The following DPY19L1 variants were observed in gnomAD, a reference collection of about 807,000 sequenced individuals.
The protein encoded by DPY19L1 is protein C-mannosyl-transferase DPY19L1.
Under a neutral mutation model 96.9 loss-of-function variants are expected in DPY19L1, and 35 were observed. The ratio of observed to expected loss-of-function variants is 0.36; its 90% CI spans 0.28 to 0.48. The LOEUF is 0.48. Ranked by LOEUF, DPY19L1 falls within the 20% of genes least tolerant of loss-of-function variation. DPY19L1 has a pLI of 0.99. For missense variants in DPY19L1, 521 were observed against 777.9 expected (o/e 0.67, Z 3.93); for synonymous variants, 205 against 252.6 (o/e 0.81, Z 1.79).
At chr7:34,943,453 T>C (rs1413361359) in intron 16 of DPY19L1, among the ~76,000 whole-genome samples, 1 of 152,208 alleles carries the variant, frequency 6.6e-6, no homozygotes. Flanking sequence ...CAGGACTATA[T>C]TCTGACTGAC....
At chr7:35,015,303 T>C (rs2128679223) in intron 3 of DPY19L1, among the ~76,000 whole-genome samples, 1 of 152,314 alleles carries the variant, frequency 6.6e-6, no homozygotes, top group East Asian at 1.9e-4. Context: ...TTACTGTATA[T>C]CCCTAGTGGA....
At chr7:34,957,920 T>G in intron 11 of DPY19L1, 64 bp downstream of exon 11, 1 of 1,080,504 alleles carries the variant, frequency 9.3e-7, no homozygotes, top group Non-Finnish European at 1.4e-6. Context: ...CCTAAGCCAG[T>G]GAAGAAAAAA....
intron 16 of DPY19L1, among the ~76,000 whole-genome samples, chr7:34,945,121 C>T (rs550096575): frequency 6.6e-6 from 1 of 152,168 alleles, no homozygotes; most frequent in South Asian, 2.1e-4. Context: ...CATTTAAGTA[C>T]AAAGGGTGAC....
chr7:34,964,097 T>C (rs1032209391), intron 10 of DPY19L1, among the ~76,000 whole-genome samples: 3 of 152,268 alleles, frequency 2.0e-5, no homozygotes, highest in African/African-American at 7.2e-5. Context: ...TTAAGTTACA[T>C]GTATTTTACC....
At chr7:35,013,528 T>C in intron 4 of DPY19L1, 40 bp downstream of exon 4, 2 of 1,586,178 alleles carry the variant, frequency 1.3e-6, no homozygotes, top group Non-Finnish European at 1.7e-6. Flanking sequence ...AAAAAAGTTT[T>C]TACAAAAGTG....
intron 8 of DPY19L1, among the ~76,000 whole-genome samples, chr7:34,972,783 A>G (rs1223061765): frequency 2.0e-5 from 3 of 152,214 alleles, no homozygotes; most frequent in Non-Finnish European, 4.4e-5. Flanking sequence ...CTGGAGCTAC[A>G]CAGACTTTAA....
rs1783746007 is a variant in DPY19L1, at chr7:34,931,208, TAC to T, written c.*363_*364del. The T allele has an allele frequency of 6.3e-6, 1 of 159,132 alleles. No homozygotes were observed. Among genetic ancestry groups the T allele is most frequent in the Non-Finnish European group, 1.4e-5 (1 of 72,944 alleles). 9.9% of individuals were successfully genotyped at this position (159,132 alleles called of 1,614,324 possible). ...AGAAGCAAGGGGCATTAATAGTTCT[TAC>T]ACTATAAAATCAGCCCCTACATTGT... is the stretch of plus-strand genomic sequence containing the variant. On this transcript the variant is annotated 3_prime_UTR_variant, in exon 22 of 22. Transcript: ENST00000638088.
chr7:35,021,619 C>A (rs1359954910), intron 1 of DPY19L1, among the ~76,000 whole-genome samples: 1 of 152,176 alleles, frequency 6.6e-6, no homozygotes, highest in African/African-American at 2.4e-5. Context: ...ACAAATATTT[C>A]CACAGTATAC....
intron 1 of DPY19L1, among the ~76,000 whole-genome samples, chr7:35,026,771 T>G (rs778829914): frequency 6.6e-6 from 1 of 152,108 alleles, no homozygotes; most frequent in African/African-American, 2.4e-5. Context: ...AAATAATGAT[T>G]AAGAAAGGGA....
rs141173407 is a variant in DPY19L1, at chr7:35,031,458, G to A, written c.298+5639C>T. Among the ~76,000 whole-genome samples the A allele has an allele frequency of 2.6e-3, 396 of 152,042 alleles. 4 individuals are homozygous for A. The highest frequency in any genetic ancestry group is 9.3e-3 in the African/African-American group (384 of 41,474). ...GGGAGGTCCTTGAACCAATCCCTCG[G>A]GGTTACTAAGTAACAACTTGCCTCA... On this transcript the variant is annotated intron_variant, in intron 1 of 21. Transcript: ENST00000638088.
intron 15 of DPY19L1, 146 bp from the exon 16 acceptor site, chr7:34,945,862 T>A: frequency 1.5e-6 from 1 of 648,884 alleles, no homozygotes; most frequent in Non-Finnish European, 2.7e-6. Flanking sequence ...AACAACATAA[T>A]CTTATATTTG....
chr7:35,002,125 C>CAAAAAAAAAAAAAAA (rs548044939), intron 6 of DPY19L1, among the ~76,000 whole-genome samples: 2 of 47,086 alleles, frequency 4.2e-5, no homozygotes, highest in South Asian at 6.5e-4. Context: ...GACTCCAGCT[C>CAAAAAAAAAAAAAAA]AAAAAAAAAA....
intron 6 of DPY19L1, among the ~76,000 whole-genome samples, chr7:34,994,294 TG>T (rs1316104178): frequency 6.6e-6 from 1 of 152,126 alleles, no homozygotes; most frequent in African/African-American, 2.4e-5. Flanking sequence ...CTTATGTCAC[TG>T]GAACATCTAG....
intron 16 of DPY19L1, among the ~76,000 whole-genome samples, chr7:34,943,941 T>C (rs1367879650): frequency 1.3e-5 from 2 of 152,192 alleles, no homozygotes; most frequent in African/African-American, 4.8e-5. Context: ...TATACCTGTA[T>C]ATGTTACAGT....
intron 7 of DPY19L1, among the ~76,000 whole-genome samples, chr7:34,975,747 A>G (rs572945198): frequency 1.3e-5 from 2 of 152,178 alleles, no homozygotes; most frequent in Non-Finnish European, 2.9e-5. Flanking sequence ...CTTGAAGCCA[A>G]TATTCATTGA....
At chr7:35,011,594 G>A in intron 4 of DPY19L1, 144 bp from the exon 5 acceptor site, 1 of 792,884 alleles carries the variant, frequency 1.3e-6, no homozygotes, top group Non-Finnish European at 1.9e-6. Context: ...GTAAAACAAG[G>A]CTCAGAATCT....
intron 7 of DPY19L1, among the ~76,000 whole-genome samples, chr7:34,987,662 G>A (rs1160304543): frequency 6.6e-6 from 1 of 151,966 alleles, no homozygotes; most frequent in Non-Finnish European, 1.5e-5. Flanking sequence ...TAACCCAGTG[G>A]CATTTCCAGT....
intron 11 of DPY19L1, among the ~76,000 whole-genome samples, 161 bp downstream of exon 11, chr7:34,957,821 CCT>C (rs1275314340): frequency 1.3e-5 from 2 of 151,186 alleles, no homozygotes; most frequent in East Asian, 1.9e-4. Context: ...TTTTTTTTTC[CCT>C]GTTTTAGAAT....
chr7:35,010,915 T>C (rs1584254211), intron 5 of DPY19L1, among the ~76,000 whole-genome samples: 1 of 152,138 alleles, frequency 6.6e-6, no homozygotes, highest in South Asian at 2.1e-4. Context: ...TCATACAGTG[T>C]CCAGCTTGGA....
Sources: gnomAD v4.1 joint callset for allele counts (sites outside exome capture counted in the v4.1 genomes callset) on GRCh38, gnomAD v4.1.1 for gene constraint, MANE v1.5 for transcripts, NCBI Gene and HGNC (gene_info 2026-07-23, HGNC 2026-07-21) for gene names.